The following UNC13B variants were observed in gnomAD, a reference collection of about 807,000 sequenced individuals.
UNC13B encodes the protein unc-13 homolog B, also known as protein unc-13 homolog B.
UNC13B carries 144 observed loss-of-function variants against 211.0 expected under a neutral mutation model. The observed-to-expected ratio is 0.68, with a 90% CI of 0.60 to 0.78. The LOEUF is 0.78. Ranked by LOEUF, UNC13B falls within the 30% of genes least tolerant of loss-of-function variation. UNC13B has a pLI of 0.00. For missense variants in UNC13B, 1,777 were observed against 2,002.0 expected, an observed-to-expected ratio of 0.89 and a Z score of 2.14; for synonymous variants, 709 against 725.8, an observed-to-expected ratio of 0.98 and a Z score of 0.37.
At chr9:35,257,580 C>CAA (rs1160474466) in intron 6 of UNC13B, among the ~76,000 whole-genome samples, 4,788 of 36,366 alleles carry the variant, frequency 0.13, 869 homozygotes, top group Admixed American at 0.19. Context: ...GAATCTGTAT[C>CAA]AAAAAAAAAA....
chr9:35,393,565 A>ACT (rs1232193864), intron 26 of UNC13B, among the ~76,000 whole-genome samples: 25 of 139,622 alleles, frequency 1.8e-4, no homozygotes, highest in South Asian at 1.2e-3. Flanking sequence ...AGGCTTTTGG[A>ACT]CTCTCTCTCT....
intron 1 of UNC13B, among the ~76,000 whole-genome samples, chr9:35,184,280 G>C (rs1822202658): frequency 6.6e-6 from 1 of 152,216 alleles, no homozygotes; most frequent in Admixed American, 6.5e-5. Flanking sequence ...CGGCCAGGCA[G>C]AGACGCTGCC....
At chr9:35,245,164 G>C (rs563703890) in intron 6 of UNC13B, among the ~76,000 whole-genome samples, 104 of 152,174 alleles carry the variant, frequency 6.8e-4, no homozygotes, top group African/African-American at 2.3e-3. Context: ...GAAGCATGTT[G>C]TACTTTTCGT....
chr9:35,244,727 C>T lies in UNC13B; in HGVS notation c.468+1363C>T, dbSNP rs138526738. On this transcript the variant is annotated intron_variant, in intron 6 of 39. Coordinates refer to ENST00000635942, the MANE Select transcript of UNC13B (RefSeq NM_001371189.2). ...ATTTCCATTTTTCTTGTAAGAACAACAGTCATTGAATTAATTTGATTATAT... is the reference window on the plus strand; with the variant it reads ...ATTTCCATTTTTCTTGTAAGAACAATAGTCATTGAATTAATTTGATTATAT... Among the ~76,000 whole-genome samples, 21 of 152,254 alleles carry T rather than the reference C, an allele frequency of 1.4e-4. No homozygotes were observed. The East Asian group carries it at 3.5e-3, about 25-fold the overall frequency.
intron 11 of UNC13B, among the ~76,000 whole-genome samples, chr9:35,326,341 G>A (rs1482501295): frequency 6.6e-6 from 1 of 152,130 alleles, no homozygotes; most frequent in Middle Eastern, 3.2e-3. Flanking sequence ...CTGAAACCAT[G>A]GATAGTACCA....
At chr9:35,232,930 A>G (rs948083480) in intron 3 of UNC13B, among the ~76,000 whole-genome samples, 1 of 152,180 alleles carries the variant, frequency 6.6e-6, no homozygotes, top group Non-Finnish European at 1.5e-5. Flanking sequence ...ACAGAGAGGT[A>G]GGAGAGCCAG....
At chr9:35,244,884 G>A (rs1258184873) in intron 6 of UNC13B, among the ~76,000 whole-genome samples, 1 of 152,150 alleles carries the variant, frequency 6.6e-6, no homozygotes, top group Non-Finnish European at 1.5e-5. Flanking sequence ...TTTGGGACAA[G>A]CAACATCTAC....
intron 12 of UNC13B, among the ~76,000 whole-genome samples, chr9:35,369,085 T>G (rs2132174008): frequency 6.6e-6 from 1 of 152,344 alleles, no homozygotes; most frequent in Non-Finnish European, 1.5e-5. Context: ...TCTGGTAGTC[T>G]CATTAAAAAC....
chr9:35,286,277 G>A (rs1354892319), intron 7 of UNC13B, among the ~76,000 whole-genome samples: 1 of 148,046 alleles, frequency 6.8e-6, no homozygotes, highest in Non-Finnish European at 1.5e-5. Context: ...TGTCACCCAG[G>A]CTGGAGTGCA....
In UNC13B at chr9:35,192,170, C is replaced by T. The variant is rs544777208; in HGVS notation, c.22+29865C>T. 1.6e-4 allele frequency among the ~76,000 whole-genome samples: 24 copies of T among 152,140 alleles called. No individual in the cohort carries two copies. In the South Asian group the frequency reaches 4.8e-3, roughly 30 times the overall value. On this transcript the variant is annotated intron_variant, in intron 1 of 39. Coordinates refer to ENST00000635942, the MANE Select transcript of UNC13B (RefSeq NM_001371189.2). The stretch of plus-strand genomic sequence containing the variant: ...TAAGGTTTGGAAAATTAACTTTTCC[C>T]AGGTTGAAAGAACATTATAAAAGCA...
intron 11 of UNC13B, chr9:35,352,850 T>A: frequency 8.1e-7 from 1 of 1,232,078 alleles, no homozygotes; most frequent in Non-Finnish European, 1.0e-6. Context: ...TTCTGGGAAG[T>A]CCCAGTTTTT....
Position 35,308,016 on chromosome 9 carries a change from A to G in UNC13B, c.8612A>G (p.Gln2871Arg). Residue 2871 changes from glutamine to arginine, a missense_variant, in exon 9 of 40, where the codon CAG (glutamine) becomes CGG (arginine). Physicochemically the swap from Gln to Arg is conservative, Grantham distance 43. Coordinates refer to ENST00000635942, the MANE Select transcript of UNC13B (RefSeq NM_001371189.2). ...SPPVLVTSSD[Q>R]DLNSSEANKA... ...CCAGTTTTAGTTACTAGCAGTGATC[A>G]GGACCTTAACTCCAGTGAGGCTAAC... 2.5e-6 allele frequency: 1 copy of G among 399,138 alleles called. No homozygotes were observed. The highest frequency in any genetic ancestry group is 4.4e-5 in the Admixed American group (1 of 22,734). 24.7% of individuals were successfully genotyped at this position (399,138 alleles called of 1,614,324 possible).
chr9:35,380,859 T>G (rs984232242), intron 18 of UNC13B, among the ~76,000 whole-genome samples: 2 of 152,194 alleles, frequency 1.3e-5, no homozygotes, highest in Admixed American at 6.5e-5. Context: ...CAGAAGGCCC[T>G]TTAATCTTCA....
chr9:35,175,865 A>AT (rs1278590203), intron 1 of UNC13B, among the ~76,000 whole-genome samples: 14 of 148,636 alleles, frequency 9.4e-5, no homozygotes, highest in Admixed American at 2.7e-4. Flanking sequence ...AAAAATATAT[A>AT]AAAAAAAAAA....
chr9:35,226,753 C>T (rs889995199), intron 1 of UNC13B, among the ~76,000 whole-genome samples: 2 of 152,164 alleles, frequency 1.3e-5, no homozygotes, highest in African/African-American at 4.8e-5. Flanking sequence ...GTGCTGTCAG[C>T]TGATTAAATG....
At chr9:35,189,302 T>C (rs1398076512) in intron 1 of UNC13B, among the ~76,000 whole-genome samples, 1 of 152,236 alleles carries the variant, frequency 6.6e-6, no homozygotes. Flanking sequence ...TTTTTAATTA[T>C]GTACCAGGTG....
intron 11 of UNC13B, among the ~76,000 whole-genome samples, chr9:35,348,052 C>T (rs1000284364): frequency 6.6e-6 from 1 of 152,160 alleles, no homozygotes; most frequent in Admixed American, 6.5e-5. Context: ...GCCTGACCAA[C>T]ATGGAGAAAC....
At position 35,277,990 on chromosome 9, in the gene UNC13B, T is replaced by G. The variant is rs551439706; in HGVS notation, c.527-17706T>G. Among the ~76,000 whole-genome samples, 3 of 152,272 alleles carry G rather than the reference T, an allele frequency of 2.0e-5. No homozygotes were observed. In the South Asian group the frequency reaches 6.2e-4, roughly 32 times the overall value. On this transcript the variant is annotated intron_variant, in intron 7 of 39. Transcript: ENST00000635942. ...AGAAGGCTTTCCAGAAACATATGTTTAGAAATTACTTTTGAAAGAACTAAT... is the reference window on the plus strand; with the variant it reads ...AGAAGGCTTTCCAGAAACATATGTTGAGAAATTACTTTTGAAAGAACTAAT...
At chr9:35,219,711 T>C (rs188068806) in intron 1 of UNC13B, among the ~76,000 whole-genome samples, 44 of 152,164 alleles carry the variant, frequency 2.9e-4, no homozygotes, top group African/African-American at 1.0e-3. Flanking sequence ...ACCCATGTAG[T>C]TGCCACCTTA....
Sources: allele counts gnomAD v4.1 joint callset (sites outside exome capture counted in the v4.1 genomes callset), GRCh38; gene constraint gnomAD v4.1.1; transcripts MANE v1.5; gene names NCBI Gene and HGNC (gene_info 2026-07-23, HGNC 2026-07-21).